Variants in DOCK3 observed in about 807,000 individuals in gnomAD.
DOCK3 encodes dedicator of cytokinesis protein 3.
Under a neutral mutation model 265.6 loss-of-function variants are expected in DOCK3, and 60 were observed. That is an observed-to-expected ratio of 0.23 (90% confidence interval 0.18 to 0.28). The LOEUF (loss-of-function observed/expected upper bound fraction) is 0.28. DOCK3 is among the 10% of genes least tolerant of loss of function. The pLI, the probability that DOCK3 is intolerant of heterozygous loss-of-function variation, is 1.00. For synonymous variants in DOCK3, 881 were observed against 938.0 expected (o/e 0.94, Z 1.11); for missense variants, 1,981 against 2,594.3 (o/e 0.76, Z 5.14).
chr3:51,337,607 G>A (rs1032873254), intron 35 of DOCK3, among the ~76,000 whole-genome samples: 5 of 152,212 alleles, frequency 3.3e-5, no homozygotes, highest in African/African-American at 1.2e-4. Flanking sequence ...TGTCTTGCTG[G>A]ATTCACCAGT....
At chr3:51,242,544 C>G (rs2078655296) in intron 21 of DOCK3, among the ~76,000 whole-genome samples, 1 of 152,122 alleles carries the variant, frequency 6.6e-6, no homozygotes, top group African/African-American at 2.4e-5. Context: ...AGCTGGGGCC[C>G]CTACTGGCAA....
chr3:50,745,006 A>G (rs780612295), intron 1 of DOCK3, among the ~76,000 whole-genome samples: 3 of 152,124 alleles, frequency 2.0e-5, no homozygotes, highest in South Asian at 4.1e-4. Context: ...GAGTCCTCCA[A>G]CTTTATTCTT....
At chr3:51,007,237 C>G (rs933330192) in intron 5 of DOCK3, among the ~76,000 whole-genome samples, 7 of 152,112 alleles carry the variant, frequency 4.6e-5, no homozygotes, top group African/African-American at 1.7e-4. Context: ...TACAGTCCCA[C>G]CAACAGTGTA....
intron 4 of DOCK3, among the ~76,000 whole-genome samples, chr3:50,895,568 A>G (rs1284450203): frequency 6.6e-6 from 1 of 152,058 alleles, no homozygotes; most frequent in Non-Finnish European, 1.5e-5. Context: ...CAGAATGTGC[A>G]GGTTTGCTAC....
chr3:51,303,070 T>C (rs1416275069), intron 27 of DOCK3, among the ~76,000 whole-genome samples: 1 of 152,162 alleles, frequency 6.6e-6, no homozygotes, highest in African/African-American at 2.4e-5. Flanking sequence ...CAGTCGTAGG[T>C]TCAGTCTTTT....
intron 32 of DOCK3, among the ~76,000 whole-genome samples, chr3:51,321,651 A>G (rs2083737188): frequency 6.6e-6 from 1 of 152,190 alleles, no homozygotes; most frequent in South Asian, 2.1e-4. Flanking sequence ...GATGGAGCTG[A>G]AAAACACGGC....
At chr3:51,213,873 C>T (rs534450799) in intron 13 of DOCK3, among the ~76,000 whole-genome samples, 2 of 152,298 alleles carry the variant, frequency 1.3e-5, no homozygotes, top group East Asian at 1.9e-4. Context: ...GGAAAGACAA[C>T]TCAATCTCCC....
intron 5 of DOCK3, among the ~76,000 whole-genome samples, chr3:51,009,006 T>C (rs1409732966): frequency 6.6e-6 from 1 of 152,242 alleles, no homozygotes; most frequent in Non-Finnish European, 1.5e-5. Flanking sequence ...GATGTGCCGC[T>C]GGATTTGGTT....
At chr3:50,955,496 T>C (rs1402994987) in intron 5 of DOCK3, among the ~76,000 whole-genome samples, 1 of 152,170 alleles carries the variant, frequency 6.6e-6, no homozygotes, top group East Asian at 1.9e-4. Flanking sequence ...ATGAATACTA[T>C]ACAGCCATAA....
At chr3:51,046,508 T>C (rs1313177772) in intron 5 of DOCK3, among the ~76,000 whole-genome samples, 2 of 152,208 alleles carry the variant, frequency 1.3e-5, no homozygotes, top group East Asian at 1.9e-4. Flanking sequence ...AAGGTTTTTG[T>C]ATAATGATTG....
intron 33 of DOCK3, 109 bp from the exon 34 acceptor site, chr3:51,332,892 A>G: frequency 1.4e-6 from 2 of 1,440,042 alleles, no homozygotes; most frequent in Non-Finnish European, 1.9e-6. Flanking sequence ...CCCTCCCCCC[A>G]CCTCAGTGGC....
intron 9 of DOCK3, among the ~76,000 whole-genome samples, chr3:51,119,556 G>T (rs1057113948): frequency 1.3e-5 from 2 of 152,156 alleles, no homozygotes; most frequent in Non-Finnish European, 2.9e-5. Flanking sequence ...ATCCTGATGT[G>T]TGTTTTCCAA....
chr3:50,762,820 A>AT (rs1456496135), intron 1 of DOCK3, among the ~76,000 whole-genome samples: 1 of 151,690 alleles, frequency 6.6e-6, no homozygotes, highest in African/African-American at 2.4e-5. Flanking sequence ...TGTGTTATGG[A>AT]TTTTTTTCCT....
intron 27 of DOCK3, among the ~76,000 whole-genome samples, chr3:51,309,035 G>A (rs1349762954): frequency 6.6e-6 from 1 of 151,866 alleles, no homozygotes; most frequent in Non-Finnish European, 1.5e-5. Flanking sequence ...GGGTGGCCGG[G>A]CAGAGACGCT....
intron 1 of DOCK3, among the ~76,000 whole-genome samples, chr3:50,743,988 G>A (rs965913817): frequency 6.6e-6 from 1 of 152,176 alleles, no homozygotes; most frequent in African/African-American, 2.4e-5. Context: ...AGTCCTCGTA[G>A]TGTATGTGAA....
At chr3:51,341,135 C>A in intron 37 of DOCK3, 102 bp from the exon 38 acceptor site, 1 of 1,400,192 alleles carries the variant, frequency 7.1e-7, no homozygotes, top group Non-Finnish European at 9.5e-7. Flanking sequence ...CTGCACATGA[C>A]TTGCGCTGGC....
intron 5 of DOCK3, among the ~76,000 whole-genome samples, chr3:50,952,103 C>T (rs908911489): frequency 6.6e-6 from 1 of 152,112 alleles, no homozygotes; most frequent in Non-Finnish European, 1.5e-5. Context: ...TATTTGTGTG[C>T]AGAGAATTGG....
intron 9 of DOCK3, among the ~76,000 whole-genome samples, chr3:51,110,165 A>G (rs1258505574): frequency 6.6e-6 from 1 of 152,200 alleles, no homozygotes; most frequent in African/African-American, 2.4e-5. Context: ...TGAATCAGTA[A>G]TAAATAGCCT....
chr3:51,206,694 A>T (rs998834790), intron 12 of DOCK3, among the ~76,000 whole-genome samples: 2 of 152,176 alleles, frequency 1.3e-5, no homozygotes, highest in Admixed American at 1.3e-4. Flanking sequence ...GCCTTAAATG[A>T]CTTGCTGAAA....
Sources: allele counts gnomAD v4.1 joint callset (sites outside exome capture counted in the v4.1 genomes callset), GRCh38; gene constraint gnomAD v4.1.1; transcripts MANE v1.5; gene names NCBI Gene and HGNC (gene_info 2026-07-23, HGNC 2026-07-21).